ZNF679: variants seen among roughly 807,000 people sequenced by gnomAD.
ZNF679 encodes the protein zinc finger protein 679, also known as hypothetical protein MGC42415.
ZNF679 carries 10 observed loss-of-function variants against 13.4 expected under a neutral mutation model. The observed-to-expected ratio is 0.75, with a 90% CI of 0.46 to 1.27. The LOEUF is 1.27. Ranked by LOEUF, ZNF679 falls within the 50% of genes most tolerant of loss-of-function variation. ZNF679 has a pLI of 0.00. For synonymous variants in ZNF679, 179 were observed against 162.5 expected, an observed-to-expected ratio of 1.10 and a Z score of -0.77; for missense variants, 525 against 477.8, an observed-to-expected ratio of 1.10 and a Z score of -0.92.
At position 64,260,917 on chromosome 7, in the gene ZNF679, A is replaced by G. The variant is rs4143585; in HGVS notation, c.250A>G (p.Thr84Ala). 6.2e-7 allele frequency: 1 copy of G among 1,610,710 alleles called. No homozygotes were observed. Among genetic ancestry groups the G allele is most frequent in the Non-Finnish European group, 8.5e-7 (1 of 1,178,922 alleles). ...GAATATAAAGAGAAATGAGATGGTA[A>G]CCAAACACCCAGGTAAGTGAGAGTG... ...PWNIKRNEMV[T>A]KHPVMCSHFT... is the part of the protein sequence containing the mutation. The change falls in exon 4 of 5, where the codon ACC becomes GCC. Residue 84 changes from threonine to alanine, a missense_variant. By Grantham distance (58) the Thr-to-Ala change is moderately conservative. Transcript: ENST00000421025.
chr7:64,263,381 G>A (rs1788103309), intron 4 of ZNF679, among the ~76,000 whole-genome samples: 2 of 152,148 alleles, frequency 1.3e-5, no homozygotes, highest in South Asian at 4.1e-4. Context: ...GTGAGCCACT[G>A]CACCTGGCTG....
chr7:64,245,947 A>C (rs972086529), intron 1 of ZNF679, among the ~76,000 whole-genome samples: 7 of 152,212 alleles, frequency 4.6e-5, no homozygotes, highest in African/African-American at 1.7e-4. Context: ...CAGAGGTTGC[A>C]GTGAGCCAAG....
chr7:64,230,526 C>A (rs1211431796), intron 1 of ZNF679, among the ~76,000 whole-genome samples: 2 of 133,560 alleles, frequency 1.5e-5, no homozygotes, highest in Non-Finnish European at 3.1e-5. Flanking sequence ...GGCGACAGAG[C>A]GAGACTCCGT....
At chr7:64,238,973 A>G (rs559791916) in intron 1 of ZNF679, among the ~76,000 whole-genome samples, 2 of 152,110 alleles carry the variant, frequency 1.3e-5, no homozygotes, top group African/African-American at 4.8e-5. Flanking sequence ...TGGGTCTTCT[A>G]CTTGTATGAA....
At chr7:64,241,573 T>C (rs1021771040) in intron 1 of ZNF679, among the ~76,000 whole-genome samples, 1 of 152,208 alleles carries the variant, frequency 6.6e-6, no homozygotes, top group South Asian at 2.1e-4. Context: ...CGGGCAGGGT[T>C]CAGGCAGGAA....
At chr7:64,250,671 C>T (rs1344996106) in intron 2 of ZNF679, among the ~76,000 whole-genome samples, 2 of 152,008 alleles carry the variant, frequency 1.3e-5, no homozygotes, top group East Asian at 1.9e-4. Flanking sequence ...TCATTACAAC[C>T]TCTGCCTCCC....
Position 64,260,856 on chromosome 7 carries a change from C to T in ZNF679, c.189C>T (p.Asp63=). Reference sequence around the variant, plus strand: ...CAGGTATTGCTGTCTCTAAGCCAGACTTGATCACCTGTCTGGAGCAAAATA... The same window carrying T: ...CAGGTATTGCTGTCTCTAAGCCAGATTTGATCACCTGTCTGGAGCAAAATA... ...VSLGIAVSKP[D]LITCLEQNKE... Residue 63 remains aspartate (D), a synonymous_variant, in exon 4 of 5, where the codon GAC becomes GAT. Transcript: ENST00000421025. 6.2e-7 allele frequency: 1 copy of T among 1,610,138 alleles called. No homozygotes were observed. The highest frequency in any genetic ancestry group is 8.5e-7 in the Non-Finnish European group (1 of 1,179,132).
intron 1 of ZNF679, among the ~76,000 whole-genome samples, chr7:64,232,216 G>A (rs1025022599): frequency 6.6e-6 from 1 of 152,220 alleles, no homozygotes; most frequent in Non-Finnish European, 1.5e-5. Flanking sequence ...TGGGCTGTAT[G>A]CATGTGTTGA....
chr7:64,230,272 G>T lies in ZNF679; in HGVS notation c.-91+1620G>T, dbSNP rs151260875. Among the ~76,000 whole-genome samples the T allele has an allele frequency of 7.0e-4, 107 of 152,234 alleles. No individual in the cohort carries two copies. In the East Asian group the frequency reaches 0.02, roughly 28 times the overall value. Reference sequence around the variant, plus strand: ...CAAGAGGCCGGGCGCGGTGGCTCACGCCTGTAATCCCAGCACTTTGGGAGG... The same window carrying T: ...CAAGAGGCCGGGCGCGGTGGCTCACTCCTGTAATCCCAGCACTTTGGGAGG... On this transcript the variant is annotated intron_variant, in intron 1 of 4. Transcript: ENST00000421025.
At chr7:64,235,925 A>G (rs1787704712) in intron 1 of ZNF679, among the ~76,000 whole-genome samples, 1 of 152,150 alleles carries the variant, frequency 6.6e-6, no homozygotes, top group Non-Finnish European at 1.5e-5. Context: ...AGAAGCAGAG[A>G]AAGAATTTAC....
chr7:64,237,115 T>A (rs1215786772), intron 1 of ZNF679, among the ~76,000 whole-genome samples: 1 of 152,088 alleles, frequency 6.6e-6, no homozygotes, highest in Non-Finnish European at 1.5e-5. Flanking sequence ...CTTATAAATG[T>A]GTGCATGCAG....
At chr7:64,259,574 A>C (rs754991005) in intron 2 of ZNF679, among the ~76,000 whole-genome samples, 1 of 152,198 alleles carries the variant, frequency 6.6e-6, no homozygotes, top group African/African-American at 2.4e-5. Flanking sequence ...TACTATTAAA[A>C]ATTACAGAAC....
chr7:64,229,529 G>A (rs547837717), intron 1 of ZNF679, among the ~76,000 whole-genome samples: 184 of 152,190 alleles, frequency 1.2e-3, no homozygotes, highest in Non-Finnish European at 1.6e-3. Context: ...CTGTGTCTAG[G>A]TTTAAGAGTG....
chr7:64,237,844 C>A (rs2116513893), intron 1 of ZNF679, among the ~76,000 whole-genome samples: 1 of 152,064 alleles, frequency 6.6e-6, no homozygotes, highest in Non-Finnish European at 1.5e-5. Flanking sequence ...TAGAACTTTA[C>A]CAGGTTATTA....
At chr7:64,232,509 G>A (rs1234426686) in intron 1 of ZNF679, among the ~76,000 whole-genome samples, 1 of 152,186 alleles carries the variant, frequency 6.6e-6, no homozygotes, top group African/African-American at 2.4e-5. Context: ...TCAGTGGGCA[G>A]GAACCAGGTA....
chr7:64,249,815 T>C (rs757749228), intron 2 of ZNF679, among the ~76,000 whole-genome samples: 26 of 152,196 alleles, frequency 1.7e-4, no homozygotes, highest in Admixed American at 3.9e-4. Context: ...GGCCTGAATT[T>C]TTTTCTTCAA....
intron 1 of ZNF679, among the ~76,000 whole-genome samples, chr7:64,231,450 G>A: frequency 6.6e-6 from 1 of 152,226 alleles, no homozygotes; most frequent in Non-Finnish European, 1.5e-5. Flanking sequence ...GCCCAGGCAG[G>A]AAAAGAGAGT....
intron 2 of ZNF679, among the ~76,000 whole-genome samples, chr7:64,252,077 G>T (rs1787951000): frequency 1.3e-5 from 2 of 152,098 alleles, no homozygotes; most frequent in Admixed American, 6.6e-5. Context: ...CCAATAAGAT[G>T]GTGCAAGAAT....
At chr7:64,235,221 G>C (rs1057384147) in intron 1 of ZNF679, among the ~76,000 whole-genome samples, 1 of 151,758 alleles carries the variant, frequency 6.6e-6, no homozygotes, top group Admixed American at 6.6e-5. Context: ...TATGTGGATA[G>C]TAAACAACAT....
Sources: allele counts gnomAD v4.1 joint callset (sites outside exome capture counted in the v4.1 genomes callset), GRCh38; gene constraint gnomAD v4.1.1; transcripts MANE v1.5; gene names NCBI Gene and HGNC (gene_info 2026-07-23, HGNC 2026-07-21).